GABBR2: variants seen among roughly 807,000 people sequenced by gnomAD.
The protein encoded by GABBR2 is G-protein coupled receptor 51.
GABBR2 carries 23 observed loss-of-function variants against 105.6 expected under a neutral mutation model. The ratio of observed to expected loss-of-function variants is 0.22; its 90% CI spans 0.16 to 0.31. The LOEUF (loss-of-function observed/expected upper bound fraction) is 0.31. Among genes scored for constraint, GABBR2 ranks in the 10% least tolerant of loss-of-function variants. The probability of loss-of-function intolerance (pLI) is 1.00; values close to 1 mark genes in which losing one functional copy is unlikely to be tolerated. For synonymous variants in GABBR2, 478 were observed against 499.7 expected (o/e 0.96, Z 0.58); for missense variants, 734 against 1,245.5 (o/e 0.59, Z 6.18).
intron 1 of GABBR2, among the ~76,000 whole-genome samples, chr9:98,632,174 A>G (rs1315934730): frequency 2.0e-5 from 3 of 152,192 alleles, no homozygotes; most frequent in African/African-American, 7.2e-5. Context: ...GACCCTTCAC[A>G]AATGAAAGAA....
At chr9:98,336,886 A>G (rs1349991234) in intron 13 of GABBR2, among the ~76,000 whole-genome samples, 3 of 152,224 alleles carry the variant, frequency 2.0e-5, no homozygotes, top group Non-Finnish European at 4.4e-5. Context: ...AAGTAGGTTG[A>G]AAGTCTATCC....
chr9:98,683,283 C>T (rs1050804795), intron 1 of GABBR2, among the ~76,000 whole-genome samples: 3 of 152,070 alleles, frequency 2.0e-5, no homozygotes, highest in African/African-American at 4.8e-5. Flanking sequence ...TAGTAGAGAC[C>T]GGGTTTCACC....
intron 6 of GABBR2, among the ~76,000 whole-genome samples, chr9:98,470,196 G>A (rs1414931093): frequency 6.6e-6 from 1 of 152,162 alleles, no homozygotes; most frequent in Non-Finnish European, 1.5e-5. Context: ...CTACTTTCAG[G>A]TGCAAAATTT....
intron 3 of GABBR2, among the ~76,000 whole-genome samples, chr9:98,506,175 C>T (rs139345983): frequency 2.0e-4 from 30 of 152,230 alleles, no homozygotes; most frequent in Non-Finnish European, 3.1e-4. Context: ...GGGACAGGGG[C>T]GCTGGCCTCA....
intron 6 of GABBR2, among the ~76,000 whole-genome samples, chr9:98,462,554 C>T (rs1826444280): frequency 6.6e-6 from 1 of 152,122 alleles, no homozygotes; most frequent in African/African-American, 2.4e-5. Flanking sequence ...AAAACATGTC[C>T]AACTTCATTA....
intron 6 of GABBR2, among the ~76,000 whole-genome samples, chr9:98,466,123 C>T (rs528287172): frequency 2.6e-5 from 4 of 152,318 alleles, no homozygotes; most frequent in Middle Eastern, 3.4e-3. Flanking sequence ...GAGGCCTCCC[C>T]AGCCATGCTT....
At chr9:98,678,445 T>A (rs1830501771) in intron 1 of GABBR2, among the ~76,000 whole-genome samples, 1 of 152,196 alleles carries the variant, frequency 6.6e-6, no homozygotes, top group Admixed American at 6.5e-5. Context: ...CTGGAAAGCC[T>A]GCCCCTGCTG....
At chr9:98,297,401 A>C (rs1462390032) in intron 17 of GABBR2, among the ~76,000 whole-genome samples, 1 of 152,042 alleles carries the variant, frequency 6.6e-6, no homozygotes. Flanking sequence ...ACCTGAGGTC[A>C]GGAGTTCGAG....
At position 98,321,885 on chromosome 9, in the gene GABBR2, C is replaced by T. The variant is rs535282343; in HGVS notation, c.1894-10680G>A. Among the ~76,000 whole-genome samples the T allele has an allele frequency of 2.6e-5, 4 of 152,262 alleles. No homozygotes were observed. In the South Asian group the frequency reaches 8.3e-4, roughly 32 times the overall value. ...CCTTCTCTCTTGCATGCTTTTGCCC[C>T]CTTCCCCTGCCCAGGGCCACAGCCC... On this transcript the variant is annotated intron_variant, in intron 13 of 18. Coordinates refer to ENST00000259455, the MANE Select transcript of GABBR2 (RefSeq NM_005458.8).
intron 17 of GABBR2, among the ~76,000 whole-genome samples, chr9:98,294,646 T>G (rs1047313778): frequency 1.3e-5 from 2 of 152,092 alleles, no homozygotes; most frequent in Non-Finnish European, 2.9e-5. Flanking sequence ...CCAGCTAATT[T>G]TTTGTATTTG....
intron 5 of GABBR2, among the ~76,000 whole-genome samples, chr9:98,478,806 T>G (rs1451847142): frequency 6.6e-6 from 1 of 152,164 alleles, no homozygotes; most frequent in Non-Finnish European, 1.5e-5. Flanking sequence ...AAACTGGAGG[T>G]GGCCAGGGTC....
chr9:98,396,075 C>T (rs1026894052), intron 8 of GABBR2, among the ~76,000 whole-genome samples: 10 of 152,204 alleles, frequency 6.6e-5, no homozygotes, highest in Admixed American at 5.2e-4. Context: ...AAACCCTGGA[C>T]ATTTTCCATA....
intron 2 of GABBR2, among the ~76,000 whole-genome samples, chr9:98,568,017 T>C (rs1351789727): frequency 6.6e-6 from 1 of 152,162 alleles, no homozygotes; most frequent in African/African-American, 2.4e-5. Context: ...AATGATTGGA[T>C]GGATGGATGA....
At chr9:98,367,298 T>TAAAAAAAAAA (rs368200743) in intron 12 of GABBR2, among the ~76,000 whole-genome samples, 1 of 110,200 alleles carries the variant, frequency 9.1e-6, no homozygotes, top group African/African-American at 3.4e-5. Flanking sequence ...TATATGTCAG[T>TAAAAAAAAAA]AAAAAAAAAA....
intron 13 of GABBR2, among the ~76,000 whole-genome samples, chr9:98,323,708 C>T (rs1122999): frequency 6.6e-6 from 1 of 152,224 alleles, no homozygotes; most frequent in Admixed American, 6.5e-5. Flanking sequence ...GCTGTTCCCA[C>T]TCAGCCCTGG....
At chr9:98,706,476 T>C (rs2131891081) in intron 1 of GABBR2, among the ~76,000 whole-genome samples, 1 of 152,350 alleles carries the variant, frequency 6.6e-6, no homozygotes, top group South Asian at 2.1e-4. Context: ...GTTTTCTAAA[T>C]ATTCCCACGA....
intron 1 of GABBR2, among the ~76,000 whole-genome samples, chr9:98,650,546 A>G (rs146304434): frequency 1.1e-3 from 174 of 152,330 alleles, no homozygotes; most frequent in African/African-American, 3.9e-3. Flanking sequence ...TTCATCAACA[A>G]ATAAATTCCA....
chr9:98,407,332 G>C (rs1832508871), intron 7 of GABBR2, among the ~76,000 whole-genome samples: 1 of 152,096 alleles, frequency 6.6e-6, no homozygotes, highest in African/African-American at 2.4e-5. Flanking sequence ...AGAATAAAGG[G>C]GGATCGCTCA....
At chr9:98,331,035 CATA>C (rs1339598729) in intron 13 of GABBR2, among the ~76,000 whole-genome samples, 2 of 152,140 alleles carry the variant, frequency 1.3e-5, no homozygotes, top group East Asian at 1.9e-4. Context: ...TTTCACTGAA[CATA>C]ATGTTTTCAA....
Sources: allele counts gnomAD v4.1 joint callset (sites outside exome capture counted in the v4.1 genomes callset), GRCh38; gene constraint gnomAD v4.1.1; transcripts MANE v1.5; gene names NCBI Gene and HGNC (gene_info 2026-07-23, HGNC 2026-07-21).